The following LY75 variants were observed in gnomAD, a reference collection of about 807,000 sequenced individuals.
LY75 encodes C-type lectin domain family 13 member B.
A neutral mutation model predicts 231.7 loss-of-function variants in LY75; 185 were observed. That is an observed-to-expected ratio of 0.80 (90% confidence interval 0.71 to 0.90). The LOEUF (loss-of-function observed/expected upper bound fraction) is 0.90. LY75 is among the 40% of genes least tolerant of loss of function. The pLI is 0.00. For missense variants in LY75, 1,947 were observed against 2,050.2 expected (o/e 0.95, Z 0.97); for synonymous variants, 668 against 689.0 (o/e 0.97, Z 0.48).
At chr2:159,816,463 A>C (rs1282557649) in intron 30 of LY75, among the ~76,000 whole-genome samples, 1 of 152,198 alleles carries the variant, frequency 6.6e-6, no homozygotes, top group African/African-American at 2.4e-5. Flanking sequence ...CCAGCACATA[A>C]ATGGAAGATC....
chr2:159,838,150 A>G (rs1683889874), intron 25 of LY75, among the ~76,000 whole-genome samples: 1 of 152,146 alleles, frequency 6.6e-6, no homozygotes, highest in Non-Finnish European at 1.5e-5. Flanking sequence ...CCTTCCACAC[A>G]GTGTCGTCTA....
chr2:159,864,705 A>AG, intron 14 of LY75, 134 bp downstream of exon 14: 4 of 848,126 alleles, frequency 4.7e-6, no homozygotes, highest in Non-Finnish European at 6.7e-6. Flanking sequence ...TTTTTGCTCA[A>AG]GATTTCTTTG....
At position 159,864,763 on chromosome 2, in the gene LY75, T is replaced by A; in HGVS notation, c.2199+76A>T. The A allele has an allele frequency of 5.9e-6, 8 of 1,363,324 alleles. No homozygotes were observed. In the South Asian group the frequency reaches 1.2e-4, roughly 20 times the overall value. The allele number at this position is 1,363,324 out of a possible 1,614,324, so 84.5% of individuals were successfully genotyped here. A position where few individuals can be genotyped will look rare whatever the true frequency, so the allele number is the denominator to read the frequency against. ...TCCATATAAATTTTAGGTGTCAATGTATTATTTAACAATCAACTTGTTATT... is the reference window on the plus strand; with the variant it reads ...TCCATATAAATTTTAGGTGTCAATGAATTATTTAACAATCAACTTGTTATT... On this transcript the variant is annotated intron_variant, in intron 14 of 34. Transcript: ENST00000263636.
In LY75 at chr2:159,878,620, C is replaced by T; in HGVS notation, c.1604+13G>A. 6.2e-7 allele frequency: 1 copy of T among 1,613,940 alleles called. No individual in the cohort carries two copies. Among genetic ancestry groups the T allele is most frequent in the Non-Finnish European group, 8.5e-7 (1 of 1,179,930 alleles). ...TTGAAAGTTTATGAGTACAAGTTTA[C>T]TGATGGTCACACCTGCTAGTGATAG... On this transcript the variant is annotated intron_variant, in intron 10 of 34. Transcript: ENST00000263636.
chr2:159,814,982 T>C (rs1175610954), intron 31 of LY75, among the ~76,000 whole-genome samples: 1 of 150,210 alleles, frequency 6.7e-6, no homozygotes, highest in Non-Finnish European at 1.5e-5. Context: ...TCACAAAAAT[T>C]ATTTGTGAAT....
chr2:159,859,129 C>T (rs1195816506), intron 15 of LY75, among the ~76,000 whole-genome samples: 1 of 152,212 alleles, frequency 6.6e-6, no homozygotes, highest in Non-Finnish European at 1.5e-5. Flanking sequence ...TCTCTCCATA[C>T]TTGGCAACTC....
intron 21 of LY75, 122 bp from the exon 22 acceptor site, chr2:159,850,589 A>C: frequency 8.3e-7 from 1 of 1,204,036 alleles, no homozygotes; most frequent in East Asian, 2.5e-5. Flanking sequence ...GGTAATTTGC[A>C]ATGTAGTACC....
At chr2:159,864,949 A>G (rs1684818225) in intron 13 of LY75, 29 bp from the exon 14 acceptor site, 4 of 1,574,388 alleles carry the variant, frequency 2.5e-6, no homozygotes, top group African/African-American at 1.4e-5. Context: ...TTAAAAATAC[A>G]GGACAATGCT....
intron 28 of LY75, among the ~76,000 whole-genome samples, chr2:159,827,295 A>C (rs1437811863): frequency 2.0e-5 from 3 of 152,210 alleles, no homozygotes; most frequent in African/African-American, 7.2e-5. Context: ...AAAATTGGGC[A>C]AAGGATATGA....
At chr2:159,902,063 A>G (rs574409140) in intron 1 of LY75, among the ~76,000 whole-genome samples, 14 of 152,368 alleles carry the variant, frequency 9.2e-5, no homozygotes, top group Admixed American at 3.9e-4. Context: ...ACAGAAGGGC[A>G]TATAAGCTAT....
rs773161122 is a variant in LY75, at chr2:159,882,080, A to C, written c.1246+44T>G. 8.9e-6 allele frequency: 14 copies of C among 1,565,992 alleles called. No individual in the cohort carries two copies. The South Asian group carries it at 1.7e-4, about 19-fold the overall frequency. On this transcript the variant is annotated intron_variant, in intron 7 of 34. Transcript: ENST00000263636. ...AAGAGTCTAAAACCAGGGATACTTT[A>C]AAATGGCTTAAGCCTCTCAAATAGG...
intron 28 of LY75, among the ~76,000 whole-genome samples, chr2:159,822,256 T>C (rs1683319308): frequency 6.6e-6 from 1 of 152,198 alleles, no homozygotes; most frequent in Non-Finnish European, 1.5e-5. Flanking sequence ...GTCCCACCCC[T>C]ATGGAGCCCA....
At chr2:159,819,607 A>G in intron 29 of LY75, 119 bp downstream of exon 29, 1 of 1,265,082 alleles carries the variant, frequency 7.9e-7, no homozygotes, top group South Asian at 1.7e-5. Context: ...CCTCTGTAAC[A>G]CCTCGCACAG....
At chr2:159,881,944 T>A (rs1355623699) in intron 7 of LY75, among the ~76,000 whole-genome samples, 180 bp downstream of exon 7, 1 of 152,196 alleles carries the variant, frequency 6.6e-6, no homozygotes, top group African/African-American at 2.4e-5. Flanking sequence ...AAGCTGCATG[T>A]TGCTAGTGAC....
intron 28 of LY75, among the ~76,000 whole-genome samples, chr2:159,823,332 C>T (rs1295259654): frequency 6.6e-6 from 1 of 151,478 alleles, no homozygotes; most frequent in Non-Finnish European, 1.5e-5. Flanking sequence ...ATTGATCAAG[C>T]GGAAGAAAGG....
At chr2:159,862,635 C>T (rs1282486345) in intron 14 of LY75, among the ~76,000 whole-genome samples, 1 of 151,544 alleles carries the variant, frequency 6.6e-6, no homozygotes, top group African/African-American at 2.4e-5. Context: ...AATAAAGACA[C>T]ATAATTTTAA....
At chr2:159,869,727 T>C (rs1337987699) in intron 13 of LY75, among the ~76,000 whole-genome samples, 1 of 152,206 alleles carries the variant, frequency 6.6e-6, no homozygotes, top group Non-Finnish European at 1.5e-5. Flanking sequence ...TGCAAGGTGA[T>C]AGTTAAAACA....
intron 15 of LY75, among the ~76,000 whole-genome samples, chr2:159,860,273 A>T (rs1356489983): frequency 1.3e-5 from 2 of 152,172 alleles, no homozygotes; most frequent in African/African-American, 4.8e-5. Context: ...CAGAAACTTT[A>T]AAAAATGCCC....
intron 23 of LY75, among the ~76,000 whole-genome samples, chr2:159,846,218 A>C (rs7593073): frequency 6.8e-6 from 1 of 146,958 alleles, no homozygotes; most frequent in Non-Finnish European, 1.5e-5. Context: ...CAGAAAGGGG[A>C]AAAAAAAAAC....
Sources: allele counts gnomAD v4.1 joint callset (sites outside exome capture counted in the v4.1 genomes callset), GRCh38; gene constraint gnomAD v4.1.1; transcripts MANE v1.5; gene names NCBI Gene and HGNC (gene_info 2026-07-23, HGNC 2026-07-21).